Variants in SLC15A5 observed in about 807,000 individuals in gnomAD.
The protein encoded by SLC15A5 is solute carrier family 15 member 5.
SLC15A5 carries 58 observed loss-of-function variants against 56.1 expected under a neutral mutation model. The ratio of observed to expected loss-of-function variants is 1.03; its 90% confidence interval spans 0.84 to 1.29. SLC15A5 has a LOEUF of 1.29. SLC15A5 is among the 50% of genes most tolerant of loss of function. The pLI, the probability that SLC15A5 is intolerant of heterozygous loss-of-function variation, is 0.00. For missense variants in SLC15A5, 681 were observed against 672.1 expected, an observed-to-expected ratio of 1.01 and a Z score of -0.15; for synonymous variants, 264 against 250.5, an observed-to-expected ratio of 1.05 and a Z score of -0.51.
Position 16,188,570 on chromosome 12 carries a change from G to T in SLC15A5, c.*1098C>A. On this transcript the variant is annotated 3_prime_UTR_variant, in exon 9 of 9. Transcript: ENST00000344941. ...GTGCATAATTGCAGAATAATTTGCA[G>T]TCAGCTGATAAACTCACCTGTCCTA... The T allele has an allele frequency of 6.6e-6, 1 of 152,212 alleles. No individual in the cohort carries two copies. Among genetic ancestry groups the T allele is most frequent in the Middle Eastern group, 3.2e-3 (1 of 316 alleles). 9.4% of individuals were successfully genotyped at this position (152,212 alleles called of 1,614,324 possible). A position where few individuals can be genotyped will look rare whatever the true frequency, so the allele number is the denominator to read the frequency against.
rs185435270 is a variant in SLC15A5, at chr12:16,262,301, C to T, written c.585-4431G>A. On this transcript the variant is annotated intron_variant, in intron 2 of 8. Transcript: ENST00000344941. ...ATGCAGCCTTTAACATTTGAAATTA[C>T]CTTTCATTCCTCTCATTCCTCTCAT... Among the ~76,000 whole-genome samples, 443 of 152,164 alleles carry T rather than the reference C, an allele frequency of 2.9e-3. 2 individuals are homozygous for T. Among genetic ancestry groups the T allele is most frequent in the East Asian group, 3.5e-3 (18 of 5,182 alleles).
chr12:16,229,936 A>G (rs772994345), intron 5 of SLC15A5, among the ~76,000 whole-genome samples: 3 of 152,178 alleles, frequency 2.0e-5, no homozygotes, highest in Admixed American at 6.5e-5. Flanking sequence ...ATTGCTTAAG[A>G]AGTTAGCAGG....
chr12:16,267,733 C>CTTTTTTTT (rs1224683217), intron 2 of SLC15A5, among the ~76,000 whole-genome samples: 1 of 27,478 alleles, frequency 3.6e-5, no homozygotes, highest in African/African-American at 1.5e-4. Context: ...CACCCCCCAC[C>CTTTTTTTT]TTTTTTTTTT....
At chr12:16,233,923 A>G (rs1864323159) in intron 5 of SLC15A5, among the ~76,000 whole-genome samples, 1 of 152,206 alleles carries the variant, frequency 6.6e-6, no homozygotes, top group Non-Finnish European at 1.5e-5. Context: ...GCAAAATCCA[A>G]TGAAAGACTG....
At chr12:16,232,401 T>C (rs1312830307) in intron 5 of SLC15A5, among the ~76,000 whole-genome samples, 3 of 152,122 alleles carry the variant, frequency 2.0e-5, no homozygotes, top group Non-Finnish European at 4.4e-5. Context: ...ATCTGATCAA[T>C]AGGAGTTCAA....
chr12:16,276,113 G>C (rs1483047452), intron 1 of SLC15A5, among the ~76,000 whole-genome samples: 1 of 152,042 alleles, frequency 6.6e-6, no homozygotes. Flanking sequence ...ATAATGTCTG[G>C]TACAGAGTAG....
intron 6 of SLC15A5, among the ~76,000 whole-genome samples, chr12:16,222,904 G>A (rs983261888): frequency 1.3e-5 from 2 of 152,126 alleles, no homozygotes; most frequent in Non-Finnish European, 2.9e-5. Context: ...AAATATTTGT[G>A]TAGTAGCATT....
intron 5 of SLC15A5, among the ~76,000 whole-genome samples, chr12:16,238,713 T>C (rs984715183): frequency 6.6e-6 from 1 of 152,026 alleles, no homozygotes; most frequent in African/African-American, 2.4e-5. Context: ...TCAATAGAAT[T>C]GTTTCTCAAG....
At chr12:16,250,531 A>G (rs1864509454) in intron 3 of SLC15A5, among the ~76,000 whole-genome samples, 1 of 152,160 alleles carries the variant, frequency 6.6e-6, no homozygotes, top group African/African-American at 2.4e-5. Context: ...GGTCTGAGTT[A>G]AACAAGATGA....
At chr12:16,228,138 G>A (rs4764253) in intron 5 of SLC15A5, among the ~76,000 whole-genome samples, 22,912 of 152,154 alleles carry the variant, frequency 0.15, 1,918 homozygotes, top group East Asian at 0.27. Context: ...GTACAAAGCC[G>A]TCATCTAAAG....
chr12:16,197,357 A>G (rs909038254), intron 7 of SLC15A5, among the ~76,000 whole-genome samples: 1 of 152,144 alleles, frequency 6.6e-6, no homozygotes, highest in Non-Finnish European at 1.5e-5. Context: ...ATTCTTCAGG[A>G]CACCTAAAGT....
intron 1 of SLC15A5, among the ~76,000 whole-genome samples, chr12:16,276,757 A>G (rs899742657): frequency 6.6e-6 from 1 of 152,024 alleles, no homozygotes; most frequent in Admixed American, 6.6e-5. Flanking sequence ...TTGCAGATAT[A>G]TATTAGTATA....
At chr12:16,189,853 A>T (rs1386033772) in intron 8 of SLC15A5, 38 bp from the exon 9 acceptor site, 1 of 1,368,914 alleles carries the variant, frequency 7.3e-7, no homozygotes, top group Non-Finnish European at 9.6e-7. Context: ...TTAGGACCAG[A>T]TGTAGATGAA....
At chr12:16,218,752 A>G (rs1864156414) in intron 6 of SLC15A5, among the ~76,000 whole-genome samples, 1 of 152,178 alleles carries the variant, frequency 6.6e-6, no homozygotes, top group Non-Finnish European at 1.5e-5. Flanking sequence ...GCATGACTGT[A>G]CTGTAAACAC....
At position 16,239,719 on chromosome 12, in the gene SLC15A5, G is replaced by A; in HGVS notation, c.1124C>T (p.Pro375Leu). 1 of 1,537,356 alleles carries A rather than the reference G, an allele frequency of 6.5e-7. No homozygotes were observed. The highest frequency in any genetic ancestry group is 8.7e-7 in the Non-Finnish European group (1 of 1,146,918). ...CAGAAATGATCCAACTCTCTTAGAG[G>A]GAAACAGGCAGGTGCTGAAATACTC... The part of the protein sequence containing the change: ...FLEYFSTCLF[P>L]SKRVGSFLST... Residue 375 changes from proline to leucine, a missense_variant, in exon 5 of 9, where the codon CCC becomes CTC. Transcript: ENST00000344941.
chr12:16,218,485 G>A (rs556301475), intron 6 of SLC15A5, among the ~76,000 whole-genome samples: 2 of 152,168 alleles, frequency 1.3e-5, no homozygotes, highest in South Asian at 2.1e-4. Context: ...AAACATGATC[G>A]AGTATACGTA....
At chr12:16,207,433 C>T (rs1864031558) in intron 7 of SLC15A5, among the ~76,000 whole-genome samples, 1 of 128,512 alleles carries the variant, frequency 7.8e-6, no homozygotes, top group African/African-American at 2.8e-5. Context: ...GGAAAATAAA[C>T]TTTTACCCCA....
chr12:16,204,305 A>C (rs916179692), intron 7 of SLC15A5, among the ~76,000 whole-genome samples: 4 of 151,868 alleles, frequency 2.6e-5, no homozygotes, highest in African/African-American at 7.3e-5. Flanking sequence ...AAAAATACAA[A>C]AATTAGCCTG....
intron 1 of SLC15A5, among the ~76,000 whole-genome samples, chr12:16,273,926 TATATTTTACTTAAAA>T (rs1370578701): frequency 1.3e-5 from 2 of 149,040 alleles, no homozygotes; most frequent in African/African-American, 2.4e-5. Context: ...TAAAAATATT[TATATTTTACTTAAAA>T]ATATTTTACT....
Sources: allele counts gnomAD v4.1 joint callset (sites outside exome capture counted in the v4.1 genomes callset), GRCh38; gene constraint gnomAD v4.1.1; transcripts MANE v1.5; gene names NCBI Gene and HGNC (gene_info 2026-07-23, HGNC 2026-07-21).